Variants in PPIP5K1 observed in about 807,000 individuals in gnomAD.
The protein encoded by PPIP5K1 is diphosphoinositol pentakisphosphate kinase 1, also known as inositol hexakisphosphate and diphosphoinositol-pentakisphosphate kinase 1.
A neutral mutation model predicts 27.7 loss-of-function variants in PPIP5K1; 6 were observed. The ratio of observed to expected loss-of-function variants is 0.22; its 90% CI spans 0.12 to 0.43. The LOEUF (loss-of-function observed/expected upper bound fraction) is 0.43, where lower values mean the gene tolerates loss of function less well. Among genes scored for constraint, PPIP5K1 ranks in the 20% least tolerant of loss-of-function variants. PPIP5K1 has a pLI of 1.00. For missense variants in PPIP5K1, 394 were observed against 635.4 expected (o/e 0.62, Z 4.08); for synonymous variants, 145 against 242.6 (o/e 0.60, Z 3.74).
intron 30 of PPIP5K1, among the ~76,000 whole-genome samples, chr15:43,557,984 C>G (rs925875689): frequency 1.3e-5 from 2 of 151,128 alleles, no homozygotes; most frequent in Non-Finnish European, 2.9e-5. Context: ...CTTCACTGTT[C>G]TTGGTTGTGT....
intron 30 of PPIP5K1, among the ~76,000 whole-genome samples, chr15:43,541,786 G>C (rs957433928): frequency 6.6e-6 from 1 of 151,834 alleles, no homozygotes; most frequent in African/African-American, 2.4e-5. Flanking sequence ...TTTGCAGAAG[G>C]TCATGTCCCA....
chr15:43,558,908 G>A lies in PPIP5K1; in HGVS notation c.3443C>T (p.Pro1148Leu). Residue 1148 changes from proline to leucine, a missense_variant, in exon 30 of 32, where the codon CCT (proline) becomes CTT (leucine). Around this residue, in one of 4 missense-constraint regions of PPIP5K1, gnomAD observed 379 missense variants for 423.9 expected, o/e 0.89. Transcript: ENST00000420765. ...CAGTGTTTCCAGAGGGTAGATGGTA[G>A]GCACCATGGAACACCCTTCAAACCC... ...LYGFEGCSMV[P>L]TIYPLETLHN... is the part of the protein sequence containing the mutation. 6.2e-7 allele frequency: 1 copy of A among 1,613,832 alleles called. No individual in the cohort carries two copies. Among genetic ancestry groups the A allele is most frequent in the Non-Finnish European group, 8.5e-7 (1 of 1,180,006 alleles).
intron 30 of PPIP5K1, 26 bp downstream of exon 30, chr15:43,558,769 G>T: frequency 1.2e-6 from 2 of 1,612,168 alleles, no homozygotes; most frequent in African/African-American, 1.3e-5. Context: ...GCAGAGAGAA[G>T]GGTAAAAAAA....
Position 43,534,576 on chromosome 15 carries a change from G to C in PPIP5K1, c.*98C>G. 1 of 1,098,700 alleles carries C rather than the reference G, an allele frequency of 9.1e-7. No homozygotes were observed. The highest frequency in any genetic ancestry group is 1.3e-6 in the Non-Finnish European group (1 of 772,352). 68.1% of individuals were successfully genotyped at this position (1,098,700 alleles called of 1,614,324 possible). On this transcript the variant is annotated 3_prime_UTR_variant, in exon 32 of 32. Coordinates refer to ENST00000420765, the MANE Select transcript of PPIP5K1 (RefSeq NM_001394395.1). ...GGGTGAGTGCTGGTCATGGGCTAGA[G>C]ACTGGCTCTGAGGGTTTGGATCACC...
At chr15:43,559,262 G>A (rs1167204864) in intron 29 of PPIP5K1, among the ~76,000 whole-genome samples, 1 of 152,170 alleles carries the variant, frequency 6.6e-6, no homozygotes, top group African/African-American at 2.4e-5. Flanking sequence ...ACACTTTCTA[G>A]GGGAATAAAA....
chr15:43,539,434 G>A (rs1295416170), intron 31 of PPIP5K1, 36 bp downstream of exon 31: 2 of 1,424,104 alleles, frequency 1.4e-6, no homozygotes, highest in South Asian at 2.4e-5. Context: ...CAGTCTTCAT[G>A]ACTTTTGTCT....
rs1485238595 is a variant in PPIP5K1 at position 43,562,912 on chromosome 15, AG to A, written c.3235+1190del. Among the ~76,000 whole-genome samples, 194 of 70,004 alleles carry A rather than the reference AG, an allele frequency of 2.8e-3. 6 individuals carry two copies. Among genetic ancestry groups the A allele is most frequent in the Non-Finnish European group, 3.8e-3 (141 of 37,496 alleles). 45.9% of individuals were successfully genotyped at this position (70,004 alleles called of 152,430 possible). A position where few individuals can be genotyped will look rare whatever the true frequency, so the allele number is the denominator to read the frequency against. ...GTACAACCTGACTGGGCTAAAATCT[AG>A]CAGCTGTCACTTGCTAGCCAATAGG... On this transcript the variant is annotated intron_variant, in intron 28 of 31. Transcript: ENST00000420765.
Position 43,534,589 on chromosome 15 carries a change from G to T in PPIP5K1, c.*85C>A. On this transcript the variant is annotated 3_prime_UTR_variant, in exon 32 of 32. Transcript: ENST00000420765. ...TCATGGGCTAGAGACTGGCTCTGAG[G>T]GTTTGGATCACCAGATGGATGCTGG... 1 of 1,251,124 alleles carries T rather than the reference G, an allele frequency of 8.0e-7. No homozygotes were observed. The highest frequency in any genetic ancestry group is 1.1e-6 in the Non-Finnish European group (1 of 906,862). The allele number at this position is 1,251,124 out of a possible 1,614,324, so 77.5% of individuals were successfully genotyped here.
At chr15:43,556,260 C>A (rs928722177) in intron 30 of PPIP5K1, among the ~76,000 whole-genome samples, 2 of 151,910 alleles carry the variant, frequency 1.3e-5, no homozygotes, top group African/African-American at 4.8e-5. Context: ...GCAGAGGTTG[C>A]GGTTAGCCAA....
In PPIP5K1 at chr15:43,558,947, A is replaced by T. The variant is rs369606050; in HGVS notation, c.3419-15T>A. On this transcript the variant is annotated splice_polypyrimidine_tract_variant and intron_variant, in intron 29 of 31. Coordinates refer to ENST00000420765, the MANE Select transcript of PPIP5K1 (RefSeq NM_001394395.1). ...CCCTTCAAACCCTGTTTGAAAAGAG[A>T]TGGGCAAAGTCAATGTTACTCCTGC... is the stretch of plus-strand genomic sequence containing the variant. 1.2e-6 allele frequency: 2 copies of T among 1,612,330 alleles called. No homozygotes were observed. Among genetic ancestry groups the T allele is most frequent in the Non-Finnish European group, 1.7e-6 (2 of 1,179,832 alleles).
At chr15:43,552,736 C>G (rs1328375975) in intron 30 of PPIP5K1, among the ~76,000 whole-genome samples, 2 of 150,298 alleles carry the variant, frequency 1.3e-5, no homozygotes, top group Non-Finnish European at 3.0e-5. Flanking sequence ...TTGTTTCACC[C>G]ACAAAAATTA....
At chr15:43,543,765 A>G (rs1002675840) in intron 30 of PPIP5K1, among the ~76,000 whole-genome samples, 2 of 151,200 alleles carry the variant, frequency 1.3e-5, no homozygotes, top group African/African-American at 4.8e-5. Flanking sequence ...TAACAGGAAC[A>G]TAATTCCTTA....
intron 30 of PPIP5K1, among the ~76,000 whole-genome samples, chr15:43,556,148 T>C (rs1476919294): frequency 6.6e-6 from 1 of 151,766 alleles, no homozygotes; most frequent in African/African-American, 2.4e-5. Context: ...TGAAACCCTG[T>C]CTCTACTAAA....
intron 30 of PPIP5K1, among the ~76,000 whole-genome samples, chr15:43,557,917 G>A (rs2083214678): frequency 6.8e-6 from 1 of 146,306 alleles, no homozygotes; most frequent in African/African-American, 2.5e-5. Flanking sequence ...CAATCCTCCT[G>A]CCTCAGCCTC....
intron 30 of PPIP5K1, 29 bp from the exon 31 acceptor site, chr15:43,539,612 G>T: frequency 7.1e-7 from 1 of 1,409,906 alleles, no homozygotes; most frequent in South Asian, 1.2e-5. Context: ...GAAGGGAGAG[G>T]GAAGAAAAAA....
chr15:43,565,552 A>T (rs112530140), intron 26 of PPIP5K1, among the ~76,000 whole-genome samples: 1 of 145,756 alleles, frequency 6.9e-6, no homozygotes, highest in Admixed American at 6.7e-5. Flanking sequence ...GAGGCTCACA[A>T]TTTTTTTTTT....
chr15:43,539,609 G>C (rs774889197), intron 30 of PPIP5K1, 26 bp from the exon 31 acceptor site: 42 of 1,428,014 alleles, frequency 2.9e-5, no homozygotes, highest in East Asian at 1.8e-4. Context: ...GGTGAAGGGA[G>C]AGGGAAGAAA....
Position 43,534,549 on chromosome 15 carries a change from AG to A in PPIP5K1, c.*124del. ...AAATTAATCACATGTTGCTGGTGGA[AG>A]GGGTGAGTGCTGGTCATGGGCTAGA... is the stretch of plus-strand genomic sequence containing the variant. On this transcript the variant is annotated 3_prime_UTR_variant, in exon 32 of 32. Coordinates refer to ENST00000420765, the MANE Select transcript of PPIP5K1 (RefSeq NM_001394395.1). 2.6e-6 allele frequency: 2 copies of A among 779,656 alleles called. No individual in the cohort carries two copies. Among genetic ancestry groups the A allele is most frequent in the Non-Finnish European group, 2.0e-6 (1 of 501,346 alleles). The allele number at this position is 779,656 out of a possible 1,614,324, so 48.3% of individuals were successfully genotyped here. A position where few individuals can be genotyped will look rare whatever the true frequency, so the allele number is the denominator to read the frequency against.
At chr15:43,542,718 C>CT (rs1555423223) in intron 30 of PPIP5K1, among the ~76,000 whole-genome samples, 1 of 149,950 alleles carries the variant, frequency 6.7e-6, no homozygotes, top group Non-Finnish European at 1.5e-5. Context: ...GGCTCTTACT[C>CT]TGTCAGTGGC....
Sources: allele counts gnomAD v4.1 joint callset (sites outside exome capture counted in the v4.1 genomes callset), GRCh38; gene constraint gnomAD v4.1.1; regional missense constraint gnomAD v4.1.1; transcripts MANE v1.5; gene names NCBI Gene and HGNC (gene_info 2026-07-23, HGNC 2026-07-21).